Variants in DLG2 observed in about 807,000 individuals in gnomAD.
The protein encoded by DLG2 is disks large homolog 2.
In DLG2, 45 loss-of-function variants were observed where a neutral mutation model predicts 132.5. That is an observed-to-expected ratio of 0.34 (90% confidence interval 0.27 to 0.44). The LOEUF (loss-of-function observed/expected upper bound fraction) is 0.44, where lower values mean the gene tolerates loss of function less well. Ranked by LOEUF, DLG2 falls within the 20% of genes least tolerant of loss-of-function variation. DLG2 has a pLI of 1.00. For missense variants in DLG2, 1,045 were observed against 1,196.9 expected, an observed-to-expected ratio of 0.87 and a Z score of 1.87; for synonymous variants, 424 against 419.6, an observed-to-expected ratio of 1.01 and a Z score of -0.13.
rs2089516472 is a variant in DLG2 at position 83,459,684 on chromosome 11, G to T, written c.*134C>A. The T allele has an allele frequency of 1.0e-5, 6 of 600,718 alleles. 1 individual carries two copies. In the South Asian group the frequency reaches 1.3e-4, roughly 13 times the overall value. 37.2% of individuals were successfully genotyped at this position (600,718 alleles called of 1,614,324 possible). A position where few individuals can be genotyped will look rare whatever the true frequency, so the allele number is the denominator to read the frequency against. ...TTCATGGCTTCATACAGTTTGTGTT[G>T]TACATTCGTAAGAATTCACATTGAC... is the stretch of plus-strand genomic sequence containing the variant. On this transcript the variant is annotated 3_prime_UTR_variant, in exon 28 of 28. Transcript: ENST00000376104.
At chr11:84,871,464 G>A (rs1001631916) in intron 6 of DLG2, among the ~76,000 whole-genome samples, 12 of 152,092 alleles carry the variant, frequency 7.9e-5, no homozygotes, top group African/African-American at 2.9e-4. Context: ...TGTAACATAG[G>A]CTTTTTGTTT....
chr11:83,478,244 C>A (rs2092783006), intron 22 of DLG2, among the ~76,000 whole-genome samples: 1 of 152,002 alleles, frequency 6.6e-6, no homozygotes, highest in African/African-American at 2.4e-5. Flanking sequence ...CATTTTTCTC[C>A]TCTGAGCTGT....
intron 7 of DLG2, among the ~76,000 whole-genome samples, chr11:84,298,363 A>G (rs2098116617): frequency 6.6e-6 from 1 of 152,184 alleles, no homozygotes; most frequent in South Asian, 2.1e-4. Flanking sequence ...CTCCCTGGAC[A>G]CTTAGAATGA....
At chr11:85,539,719 T>C (rs966151282) in intron 3 of DLG2, among the ~76,000 whole-genome samples, 1 of 152,212 alleles carries the variant, frequency 6.6e-6, no homozygotes, top group Non-Finnish European at 1.5e-5. Context: ...TATATACACT[T>C]ACTGTGTACC....
intron 3 of DLG2, among the ~76,000 whole-genome samples, chr11:85,553,702 C>T (rs191620919): frequency 4.6e-5 from 7 of 151,294 alleles, no homozygotes; most frequent in Admixed American, 4.6e-4. Flanking sequence ...AAAAATTATC[C>T]ATATAACAGA....
chr11:85,175,080 C>G (rs1225727905), intron 4 of DLG2, among the ~76,000 whole-genome samples: 3 of 152,022 alleles, frequency 2.0e-5, no homozygotes. Flanking sequence ...CTATTCCAAA[C>G]AAATGAAAGG....
At chr11:83,651,112 A>G (rs2070209540) in intron 18 of DLG2, among the ~76,000 whole-genome samples, 1 of 152,170 alleles carries the variant, frequency 6.6e-6, no homozygotes, top group Non-Finnish European at 1.5e-5. Context: ...CTATGGAGGA[A>G]GACATTATGT....
chr11:85,217,887 G>T (rs1396532769), intron 4 of DLG2, among the ~76,000 whole-genome samples: 6 of 152,126 alleles, frequency 3.9e-5, no homozygotes, highest in Non-Finnish European at 7.4e-5. Context: ...TGTCTTCTAG[G>T]ATTTTTAAAG....
chr11:85,480,848 G>A (rs1344972261), intron 3 of DLG2, among the ~76,000 whole-genome samples: 2 of 152,150 alleles, frequency 1.3e-5, no homozygotes, highest in African/African-American at 4.8e-5. Flanking sequence ...TGTTTCAATA[G>A]TGTTTAAACT....
chr11:83,584,072 GACA>G (rs775976503), intron 19 of DLG2, among the ~76,000 whole-genome samples: 37 of 152,230 alleles, frequency 2.4e-4, no homozygotes, highest in Non-Finnish European at 4.6e-4. Flanking sequence ...ACTTGTAAAG[GACA>G]ACATCAAGAT....
chr11:85,322,364 T>C (rs150882383), intron 3 of DLG2, among the ~76,000 whole-genome samples: 1 of 152,256 alleles, frequency 6.6e-6, no homozygotes, highest in Admixed American at 6.5e-5. Context: ...AAATCCTCAA[T>C]CTTGGAAATT....
At chr11:84,476,450 A>G (rs1380554318) in intron 7 of DLG2, among the ~76,000 whole-genome samples, 1 of 152,154 alleles carries the variant, frequency 6.6e-6, no homozygotes, top group African/African-American at 2.4e-5. Flanking sequence ...AGCTCAGAAA[A>G]ATTAGAGATT....
intron 9 of DLG2, among the ~76,000 whole-genome samples, chr11:84,124,153 G>A (rs2094053390): frequency 1.3e-5 from 2 of 152,204 alleles, no homozygotes; most frequent in African/African-American, 2.4e-5. Flanking sequence ...TTCAGGTGGC[G>A]TGTTCAGGTA....
chr11:83,912,708 G>A (rs2076275786), intron 15 of DLG2, among the ~76,000 whole-genome samples: 1 of 152,042 alleles, frequency 6.6e-6, no homozygotes, highest in Non-Finnish European at 1.5e-5. Flanking sequence ...AGGACAATGG[G>A]CAACCCGATA....
intron 5 of DLG2, chr11:85,132,774 G>A: frequency 2.2e-6 from 1 of 456,570 alleles, no homozygotes; most frequent in Non-Finnish European, 4.4e-6. Context: ...CTACCTTTGT[G>A]GTGACAATGC....
intron 6 of DLG2, among the ~76,000 whole-genome samples, chr11:84,808,300 C>A (rs1265795675): frequency 1.3e-5 from 2 of 151,992 alleles, no homozygotes; most frequent in South Asian, 2.1e-4. Flanking sequence ...AATCAGAATA[C>A]AATATATCAA....
chr11:84,089,431 G>A (rs571138945), intron 10 of DLG2, among the ~76,000 whole-genome samples: 3 of 149,962 alleles, frequency 2.0e-5, no homozygotes, highest in African/African-American at 7.4e-5. Flanking sequence ...CTTTCTCATC[G>A]TGTTCTTATT....
chr11:83,558,066 T>C (rs72948660), intron 19 of DLG2, among the ~76,000 whole-genome samples: 3,507 of 152,292 alleles, frequency 0.023, 53 homozygotes, highest in Non-Finnish European at 0.038. Context: ...TGTTTGATAA[T>C]CCACAGACAT....
rs58933585 is a variant in DLG2 at position 84,027,485 on chromosome 11, TA to T, written c.919+31829del. Among the ~76,000 whole-genome samples, 85 of 151,576 alleles carry T rather than the reference TA, an allele frequency of 5.6e-4. 1 individual carries two copies. The highest frequency in any genetic ancestry group is 8.2e-4 in the African/African-American group (34 of 41,380). ...TCTTGAAGAAAATTTGAGACAAATT[TA>T]AAAAAAAATTCTTTATAGCTCTTCT... On this transcript the variant is annotated intron_variant, in intron 11 of 27. Transcript: ENST00000376104.
Sources: gnomAD v4.1 joint callset for allele counts (sites outside exome capture counted in the v4.1 genomes callset) on GRCh38, gnomAD v4.1.1 for gene constraint, MANE v1.5 for transcripts, NCBI Gene and HGNC (gene_info 2026-07-23, HGNC 2026-07-21) for gene names.